The following RETSAT variants were observed in gnomAD, a reference collection of about 807,000 sequenced individuals.
RETSAT encodes retinol saturase, also known as all-trans-retinol 13,14-reductase.
In RETSAT, 35 loss-of-function variants were observed where a neutral mutation model predicts 61.6. The observed-to-expected ratio is 0.57, with a 90% CI of 0.43 to 0.75. The LOEUF is 0.75. RETSAT is among the 30% of genes least tolerant of loss of function. RETSAT has a pLI of 0.00. For missense variants in RETSAT, 670 were observed against 759.5 expected (o/e 0.88, Z 1.38); for synonymous variants, 277 against 310.4 (o/e 0.89, Z 1.13).
chr2:85,343,231 C>A lies in RETSAT; in HGVS notation c.*11G>T, dbSNP rs1218950875. 6.2e-7 allele frequency: 1 copy of A among 1,613,462 alleles called. No homozygotes were observed. The highest frequency in any genetic ancestry group is 8.5e-7 in the Non-Finnish European group (1 of 1,179,458). ...CATTGGGCAAATTCCTCTGACTCCT[C>A]CCTGATGGAACTAATTCTTTTTCTT... is the stretch of plus-strand genomic sequence containing the variant. On this transcript the variant is annotated 3_prime_UTR_variant, in exon 11 of 11. Transcript: ENST00000295802.
rs1482829763 is a variant in RETSAT, at chr2:85,343,235, G to A, written c.*7C>T. On this transcript the variant is annotated 3_prime_UTR_variant, in exon 11 of 11. Transcript: ENST00000295802. ...GGGCAAATTCCTCTGACTCCTCCCT[G>A]ATGGAACTAATTCTTTTTCTTCTGT... The A allele has an allele frequency of 2.5e-6, 4 of 1,613,654 alleles. No individual in the cohort carries two copies. Among genetic ancestry groups the A allele is most frequent in the Non-Finnish European group, 3.4e-6 (4 of 1,179,606 alleles).
In RETSAT at chr2:85,350,217, C is replaced by T; in HGVS notation, c.622G>A (p.Ala208Thr). 6.2e-7 allele frequency: 1 copy of T among 1,613,916 alleles called. No individual in the cohort carries two copies. The highest frequency in any genetic ancestry group is 1.1e-5 in the South Asian group (1 of 91,082). The change falls in exon 4 of 11, where the codon GCC becomes ACC. Residue 208 changes from alanine (A) to threonine (T), a missense_variant. Transcript: ENST00000295802. ...VKVVSSGAPH[A>T]ILLKFLPLPV... Reference sequence around the variant, plus strand: ...AATGGGAGGAATTTCAACAGGATGGCATGAGGGGCTCCACTGGATACCACC... The same window carrying T: ...AATGGGAGGAATTTCAACAGGATGGTATGAGGGGCTCCACTGGATACCACC...
chr2:85,349,622 C>A, intron 4 of RETSAT, 41 bp from the exon 5 acceptor site: 1 of 1,529,894 alleles, frequency 6.5e-7, no homozygotes, highest in East Asian at 2.3e-5. Context: ...CAAGAGAAGG[C>A]ACCAGCACCA....
chr2:85,345,307 G>A (rs1283595221), intron 6 of RETSAT, among the ~76,000 whole-genome samples: 2 of 152,136 alleles, frequency 1.3e-5, no homozygotes, highest in Non-Finnish European at 2.9e-5. Flanking sequence ...CCAGGACCTC[G>A]CTTTACCCCC....
In RETSAT at chr2:85,344,229, G is replaced by A; in HGVS notation, c.1366+10C>T. Reference sequence around the variant, plus strand: ...CCCTCCACCCCCTCACCCGGGACGTGCAGCCCCACCTGGGAATCGGTCCTC... The same window carrying A: ...CCCTCCACCCCCTCACCCGGGACGTACAGCCCCACCTGGGAATCGGTCCTC... On this transcript the variant is annotated intron_variant, in intron 8 of 10. Coordinates refer to ENST00000295802, the MANE Select transcript of RETSAT (RefSeq NM_017750.4). 4 of 1,614,128 alleles carry A rather than the reference G, an allele frequency of 2.5e-6. No homozygotes were observed. The highest frequency in any genetic ancestry group is 1.1e-5 in the South Asian group (1 of 91,084).
intron 4 of RETSAT, 128 bp from the exon 5 acceptor site, chr2:85,349,709 C>A: frequency 1.2e-6 from 1 of 829,680 alleles, no homozygotes; most frequent in South Asian, 1.6e-5. Flanking sequence ...CCTCAGGGTC[C>A]AAGGCAGCCA....
intron 2 of RETSAT, 144 bp from the exon 3 acceptor site, chr2:85,351,165 G>T: frequency 2.0e-6 from 2 of 982,024 alleles, no homozygotes; most frequent in South Asian, 1.6e-5. Context: ...CTGTAGGGAG[G>T]TGTCACAGCA....
chr2:85,344,231 A>T lies in RETSAT; in HGVS notation c.1366+8T>A. On this transcript the variant is annotated splice_region_variant and intron_variant, in intron 8 of 10. Coordinates refer to ENST00000295802, the MANE Select transcript of RETSAT (RefSeq NM_017750.4). The stretch of plus-strand genomic sequence containing the variant: ...CTCCACCCCCTCACCCGGGACGTGC[A>T]GCCCCACCTGGGAATCGGTCCTCCC... 6.2e-7 allele frequency: 1 copy of T among 1,614,144 alleles called. No homozygotes were observed.
chr2:85,350,643 T>G, intron 3 of RETSAT, 137 bp downstream of exon 3: 23 of 1,004,274 alleles, frequency 2.3e-5, no homozygotes, highest in Non-Finnish European at 2.4e-5. Context: ...GGGTGGAGGC[T>G]GAGCTAAGAA....
At position 85,344,127 on chromosome 2, in the gene RETSAT, C is replaced by T. The variant is rs749938913; in HGVS notation, c.1405G>A (p.Glu469Lys). 22 of 1,614,044 alleles carry T rather than the reference C, an allele frequency of 1.4e-5. No homozygotes were observed. The highest frequency in any genetic ancestry group is 2.7e-5 in the African/African-American group (2 of 74,918). ...TMIMLIPTAYEWFEEWQAELK... is the reference protein window; with the variant it reads ...TMIMLIPTAYKWFEEWQAELK... ...TCCGCCTGCCACTCCTCAAACCACT[C>T]GTAGGCAGTGGGTATGAGCATGATC... Residue 469 changes from glutamate to lysine, a missense_variant, in exon 9 of 11, where the codon GAG becomes AAG. Coordinates refer to ENST00000295802, the MANE Select transcript of RETSAT (RefSeq NM_017750.4).
intron 5 of RETSAT, among the ~76,000 whole-genome samples, chr2:85,348,626 A>G (rs1490441579): frequency 7.5e-6 from 1 of 132,676 alleles, no homozygotes; most frequent in African/African-American, 3.0e-5. Context: ...GCGAGACTCC[A>G]ACTCAAAAAA....
intron 1 of RETSAT, among the ~76,000 whole-genome samples, chr2:85,353,954 C>T (rs1055889184): frequency 6.6e-6 from 1 of 152,194 alleles, no homozygotes; most frequent in Non-Finnish European, 1.5e-5. Flanking sequence ...TTCTGTGCTG[C>T]TCCCCCACAC....
chr2:85,343,722 G>A lies in RETSAT; in HGVS notation c.1610C>T (p.Ala537Val). The change falls in exon 10 of 11, where the codon GCT becomes GTT. Residue 537 changes from alanine to valine, a missense_variant. Physicochemically the swap from Ala to Val is moderately conservative, Grantham distance 64 (BLOSUM62 0). Coordinates refer to ENST00000295802, the MANE Select transcript of RETSAT (RefSeq NM_017750.4). ...LAAPRGACYG[A>V]DHDLGRLHPC... is the part of the protein sequence containing the mutation. ...GTGCAGGCGGCCCAGGTCATGGTCA[G>A]CCCCGTAGCAGGCACCTCGGGGAGC... 1 of 1,614,088 alleles carries A rather than the reference G, an allele frequency of 6.2e-7. No homozygotes were observed. Among genetic ancestry groups the A allele is most frequent in the African/African-American group, 1.3e-5 (1 of 75,042 alleles).
chr2:85,349,519 CT>C lies in RETSAT; in HGVS notation c.861del (p.Gly288GlufsTer19). On this transcript the variant is annotated frameshift_variant, in exon 5 of 11. Coordinates refer to ENST00000295802, the MANE Select transcript of RETSAT (RefSeq NM_017750.4). LOFTEE classifies it high-confidence loss of function. ...MHALLVNHYM[K>X]GGFYPRGGSS... ...GAACCCCCTCGGGGATAAAAGCCTC[CT>C]TTCATGTAGTGGTTGACCAGCAGGG... 6.2e-7 allele frequency: 1 copy of C among 1,614,200 alleles called. No individual in the cohort carries two copies. The highest frequency in any genetic ancestry group is 1.3e-5 in the African/African-American group (1 of 75,058).
rs370614781 is a variant in RETSAT at position 85,344,674 on chromosome 2, G to T, written c.1176C>A (p.Ile392=). ...GGTCTTCCTTGGTGCCTCGCAGGCA[G>T]ATGAAAACAGAGGTCATGCCTAAGC... is the stretch of plus-strand genomic sequence containing the variant. ...RPGLGMTSVF[I]CLRGTKEDLH... The change falls in exon 7 of 11, where the codon ATC becomes ATA. Residue 392 remains isoleucine, a synonymous_variant. Coordinates refer to ENST00000295802, the MANE Select transcript of RETSAT (RefSeq NM_017750.4). The T allele has an allele frequency of 1.2e-6, 2 of 1,614,078 alleles. No individual in the cohort carries two copies. The highest frequency in any genetic ancestry group is 1.7e-6 in the Non-Finnish European group (2 of 1,180,034).
intron 6 of RETSAT, chr2:85,345,405 C>T (rs528744076): frequency 4.9e-6 from 1 of 202,212 alleles, no homozygotes; most frequent in East Asian, 1.3e-4. Flanking sequence ...CCCCTGCTCT[C>T]TAGCTCCTGC....
intron 1 of RETSAT, among the ~76,000 whole-genome samples, chr2:85,353,037 C>T (rs972231417): frequency 1.3e-5 from 2 of 151,616 alleles, no homozygotes; most frequent in African/African-American, 4.9e-5. Flanking sequence ...TTAGAGAGAT[C>T]AATAGTAAAA....
Position 85,342,126 on chromosome 2 carries a change from A to C in RETSAT, c.*1116T>G. On this transcript the variant is annotated 3_prime_UTR_variant, in exon 11 of 11. Transcript: ENST00000295802. Reference sequence around the variant, plus strand: ...AGCAATGGAATCAATAAATTTATTAATGTTACATTAACACGAACTACAAAG... The same window carrying C: ...AGCAATGGAATCAATAAATTTATTACTGTTACATTAACACGAACTACAAAG... 3.4e-6 allele frequency: 1 copy of C among 298,008 alleles called. No individual in the cohort carries two copies. The highest frequency in any genetic ancestry group is 7.0e-5 in the East Asian group (1 of 14,286). 18.5% of individuals were successfully genotyped at this position (298,008 alleles called of 1,614,324 possible). A position where few individuals can be genotyped will look rare whatever the true frequency, so the allele number is the denominator to read the frequency against.
intron 4 of RETSAT, 158 bp downstream of exon 4, chr2:85,349,882 A>G: frequency 1.5e-6 from 1 of 687,058 alleles, no homozygotes; most frequent in South Asian, 1.9e-5. Context: ...CAAGGAGTCC[A>G]GCAGGTGGCC....
Sources: allele counts gnomAD v4.1 joint callset (sites outside exome capture counted in the v4.1 genomes callset), GRCh38; gene constraint gnomAD v4.1.1; transcripts MANE v1.5; gene names NCBI Gene and HGNC (gene_info 2026-07-23, HGNC 2026-07-21).